Variants in KLC3 observed in about 807,000 individuals in gnomAD.
KLC3 encodes the protein kinesin light chain 2.
KLC3 carries 72 observed loss-of-function variants against 62.9 expected under a neutral mutation model. The observed-to-expected ratio is 1.15, with a 90% CI of 0.95 to 1.39. The LOEUF is 1.39. Among genes scored for constraint, KLC3 ranks in the 40% most tolerant of loss-of-function variants. The pLI is 0.00. For synonymous variants in KLC3, 377 were observed against 300.5 expected, an observed-to-expected ratio of 1.25 and a Z score of -2.63; for missense variants, 848 against 691.6, an observed-to-expected ratio of 1.23 and a Z score of -2.54.
intron 12 of KLC3, 44 bp downstream of exon 12, chr19:45,351,061 T>C: frequency 6.2e-7 from 1 of 1,613,636 alleles, no homozygotes; most frequent in Non-Finnish European, 8.5e-7. Flanking sequence ...GCCATGTGGG[T>C]AGGTGCAGAG....
At chr19:45,341,327 G>GA (rs1205899410) in intron 1 of KLC3, among the ~76,000 whole-genome samples, 1 of 152,114 alleles carries the variant, frequency 6.6e-6, no homozygotes, top group Non-Finnish European at 1.5e-5. Context: ...TTAGCAATGT[G>GA]AAAACGTGGG....
chr19:45,345,662 C>T lies in KLC3; in HGVS notation c.121C>T (p.His41Tyr). Residue 41 changes from histidine (H) to tyrosine (Y), a missense_variant, in exon 2 of 13, where the codon CAC becomes TAC. Transcript: ENST00000391946. ...VQGLEALRAE[H>Y]HGLAGHLAEA... ...GGGGCTGGAGGCGCTGCGGGCAGAG[C>T]ACCATGGCCTGGCTGGGCACCTGGC... is the stretch of plus-strand genomic sequence containing the variant. The T allele has an allele frequency of 1.3e-6, 2 of 1,582,700 alleles. No homozygotes were observed. The highest frequency in any genetic ancestry group is 1.7e-6 in the Non-Finnish European group (2 of 1,165,848).
At chr19:45,348,598 G>GCCCCAACCCTTGGCTAA (rs1568524374) in intron 5 of KLC3, 48 bp from the exon 6 acceptor site, 2 of 1,533,980 alleles carry the variant, frequency 1.3e-6, no homozygotes, top group Admixed American at 2.0e-5. Context: ...GGCTGCAGCT[G>GCCCCAACCCTTGGCTAA]CCCCAACCCT....
At chr19:45,345,292 C>T (rs949456221) in intron 1 of KLC3, 4 of 611,232 alleles carry the variant, frequency 6.5e-6, no homozygotes, top group African/African-American at 3.7e-5. Flanking sequence ...AGGGCAGAAC[C>T]CTGGGTTGGG....
intron 1 of KLC3, chr19:45,344,786 C>T (rs951140205): frequency 6.6e-6 from 1 of 152,504 alleles, no homozygotes; most frequent in African/African-American, 2.4e-5. Context: ...TCAGCTGTCA[C>T]ATGGCCAGTG....
chr19:45,350,136 GT>G (rs2123201142), intron 8 of KLC3: 1 of 582,144 alleles, frequency 1.7e-6, no homozygotes, highest in African/African-American at 1.9e-5. Context: ...ACATTAGAAA[GT>G]GGGGCCAGAC....
chr19:45,350,778 T>G, intron 11 of KLC3, 31 bp downstream of exon 11: 1 of 1,581,470 alleles, frequency 6.3e-7, no homozygotes, highest in Non-Finnish European at 8.6e-7. Flanking sequence ...CAAAGAGCCC[T>G]GACATCAGCA....
chr19:45,344,154 AGTGT>A (rs34947979), intron 1 of KLC3, among the ~76,000 whole-genome samples: 26 of 142,118 alleles, frequency 1.8e-4, no homozygotes, highest in East Asian at 4.1e-4. Context: ...CTAATGAGGG[AGTGT>A]GTGTGTGTGT....
rs770042647 is a variant in KLC3 at position 45,346,597 on chromosome 19, G to C, written c.312G>C (p.Arg104=). ...GTGCACTGGAGGCAGAGAAGCAGCGGCTGCGCTCGCAGGCCCGGCGGCTGG... is the reference window on the plus strand; with the variant it reads ...GTGCACTGGAGGCAGAGAAGCAGCGCCTGCGCTCGCAGGCCCGGCGGCTGG... ...HVGALEAEKQ[R]LRSQARRLAQ... Residue 104 remains arginine, a synonymous_variant, in exon 3 of 13, where the codon CGG becomes CGC. Coordinates refer to ENST00000391946, the MANE Select transcript of KLC3 (RefSeq NM_177417.3). 9 of 1,549,566 alleles carry C rather than the reference G, an allele frequency of 5.8e-6. No homozygotes were observed. Among genetic ancestry groups the C allele is most frequent in the African/African-American group, 1.4e-5 (1 of 73,154 alleles).
intron 1 of KLC3, among the ~76,000 whole-genome samples, chr19:45,341,578 T>TGTGTGTGTGCGCGCGCGC: frequency 0.034 from 4,801 of 139,452 alleles, 121 homozygotes; most frequent in Middle Eastern, 0.069. Context: ...TGTGTGTGTG[T>TGTGTGTGTGCGCGCGCGC]GCGCGCGCGC....
rs1445598598 is a variant in KLC3, at chr19:45,349,742, C to T, written c.1143+140C>T. ...GGGCCCTTGGAGCAAGTGTCAGACA[C>T]AGGAGCTGGCTCAGCACAGAACACG... is the stretch of plus-strand genomic sequence containing the variant. On this transcript the variant is annotated intron_variant, in intron 8 of 12. Coordinates refer to ENST00000391946, the MANE Select transcript of KLC3 (RefSeq NM_177417.3). 6.5e-6 allele frequency: 5 copies of T among 774,658 alleles called. No individual in the cohort carries two copies. In the East Asian group the frequency reaches 1.4e-4, roughly 22 times the overall value. The allele number at this position is 774,658 out of a possible 1,614,324, so 48.0% of individuals were successfully genotyped here. A position where few individuals can be genotyped will look rare whatever the true frequency, so the allele number is the denominator to read the frequency against.
chr19:45,350,796 C>G (rs780290026), intron 11 of KLC3, 49 bp downstream of exon 11: 2 of 1,478,494 alleles, frequency 1.4e-6, no homozygotes, highest in Admixed American at 3.8e-5. Flanking sequence ...GCAGAATCCA[C>G]AGCCCACCCC....
At chr19:45,345,051 G>A (rs1360265310) in intron 1 of KLC3, 1 of 121,404 alleles carries the variant, frequency 8.2e-6, no homozygotes, top group African/African-American at 3.3e-5. Flanking sequence ...AACACCCTAA[G>A]AATGAGCTCA....
chr19:45,345,865 A>G, intron 2 of KLC3, 66 bp downstream of exon 2: 1 of 1,457,898 alleles, frequency 6.9e-7, no homozygotes, highest in South Asian at 1.4e-5. Flanking sequence ...GCCAGGCATG[A>G]GGGGGACAGG....
chr19:45,348,223 G>A (rs1599710459), intron 5 of KLC3, 63 bp downstream of exon 5: 1 of 1,426,724 alleles, frequency 7.0e-7, no homozygotes, highest in South Asian at 1.3e-5. Flanking sequence ...GGTGCAAGTG[G>A]AAGGATCCTG....
intron 1 of KLC3, chr19:45,345,203 C>T (rs1354452319): frequency 4.0e-6 from 2 of 499,414 alleles, no homozygotes; most frequent in African/African-American, 2.0e-5. Flanking sequence ...GCCAGGTGAG[C>T]TGAGGGCAGA....
intron 5 of KLC3, 130 bp downstream of exon 5, chr19:45,348,290 A>T: frequency 1.2e-6 from 1 of 851,164 alleles, no homozygotes; most frequent in Non-Finnish European, 1.8e-6. Flanking sequence ...GACAGCAAGA[A>T]TGGGAAAGGA....
At chr19:45,341,215 G>T (rs1337157688) in intron 1 of KLC3, among the ~76,000 whole-genome samples, 3 of 116,696 alleles carry the variant, frequency 2.6e-5, no homozygotes, top group African/African-American at 9.9e-5. Context: ...TGTGTGTGTG[G>T]CTTTGCGTGT....
chr19:45,347,735 G>A (rs763986301), intron 4 of KLC3, among the ~76,000 whole-genome samples: 30 of 152,190 alleles, frequency 2.0e-4, no homozygotes, highest in Non-Finnish European at 3.8e-4. Flanking sequence ...CAGGGCAGGT[G>A]GGCTGCCGTG....
Sources: gnomAD v4.1 joint callset for allele counts (sites outside exome capture counted in the v4.1 genomes callset) on GRCh38, gnomAD v4.1.1 for gene constraint, MANE v1.5 for transcripts, NCBI Gene and HGNC (gene_info 2026-07-23, HGNC 2026-07-21) for gene names.